The following ATF7IP2 variants were observed in gnomAD, a reference collection of about 807,000 sequenced individuals.
ATF7IP2 encodes activating transcription factor 7 interacting protein 2.
Under a neutral mutation model 64.2 loss-of-function variants are expected in ATF7IP2, and 42 were observed. The ratio of observed to expected loss-of-function variants is 0.65; its 90% CI spans 0.51 to 0.85. The LOEUF (loss-of-function observed/expected upper bound fraction) is 0.85. Among genes scored for constraint, ATF7IP2 ranks in the 40% least tolerant of loss-of-function variants. ATF7IP2 has a pLI of 0.00. For synonymous variants in ATF7IP2, 308 were observed against 272.8 expected (o/e 1.13, Z -1.27); for missense variants, 933 against 784.2 (o/e 1.19, Z -2.27).
At chr16:10,417,531 A>G (rs2047903715) in intron 2 of ATF7IP2, among the ~76,000 whole-genome samples, 1 of 152,230 alleles carries the variant, frequency 6.6e-6, no homozygotes. Context: ...AAGAGGATAT[A>G]ACAATCCTAA....
intron 8 of ATF7IP2, among the ~76,000 whole-genome samples, chr16:10,441,367 C>T (rs1223235539): frequency 6.6e-6 from 1 of 152,136 alleles, no homozygotes; most frequent in East Asian, 1.9e-4. Context: ...ACACTTTCAC[C>T]AACAGTATAA....
intron 8 of ATF7IP2, among the ~76,000 whole-genome samples, chr16:10,450,426 C>A (rs540228359): frequency 1.3e-5 from 2 of 152,140 alleles, no homozygotes; most frequent in African/African-American, 2.4e-5. Flanking sequence ...GTTAAAGTCT[C>A]CCACTATTAC....
At chr16:10,459,456 A>C (rs1192079292) in intron 9 of ATF7IP2, among the ~76,000 whole-genome samples, 1 of 149,460 alleles carries the variant, frequency 6.7e-6, no homozygotes, top group African/African-American at 2.5e-5. Flanking sequence ...CGACAGAGCG[A>C]GACTCCATCT....
chr16:10,464,180 T>G (rs2049474314), intron 9 of ATF7IP2, among the ~76,000 whole-genome samples: 1 of 152,240 alleles, frequency 6.6e-6, no homozygotes, highest in Non-Finnish European at 1.5e-5. Context: ...TTTTTCAAAT[T>G]GCTCAAGTGT....
intron 1 of ATF7IP2, among the ~76,000 whole-genome samples, chr16:10,412,860 A>AT (rs1228918989): frequency 6.6e-6 from 1 of 152,102 alleles, no homozygotes; most frequent in Non-Finnish European, 1.5e-5. Flanking sequence ...GTACTTATAT[A>AT]TTTAGGATTG....
chr16:10,431,005 G>C lies in ATF7IP2; in HGVS notation c.385G>C (p.Val129Leu). Residue 129 changes from valine (V) to leucine (L), a missense_variant, in exon 5 of 14, where the codon GTC becomes CTC. By Grantham distance (32) the Val-to-Leu change is conservative (BLOSUM62 1). Transcript: ENST00000562102. ...PSRTTESPSR[V>L]FTEEAKDSLN... ...TAGAACAACAGAATCCCCCAGCAGAGTCTTCACAGAAGAGGCAAAAGATTC... is the reference window on the plus strand; with the variant it reads ...TAGAACAACAGAATCCCCCAGCAGACTCTTCACAGAAGAGGCAAAAGATTC... 1 of 1,614,186 alleles carries C rather than the reference G, an allele frequency of 6.2e-7. No individual in the cohort carries two copies. Among genetic ancestry groups the C allele is most frequent in the Non-Finnish European group, 8.5e-7 (1 of 1,180,038 alleles).
At chr16:10,459,161 C>T (rs1363310205) in intron 9 of ATF7IP2, among the ~76,000 whole-genome samples, 3 of 151,396 alleles carry the variant, frequency 2.0e-5, no homozygotes, top group Admixed American at 6.6e-5. Context: ...TGGAGAAACC[C>T]TGTCTCTGCT....
At chr16:10,393,814 G>A (rs141106481) in intron 1 of ATF7IP2, among the ~76,000 whole-genome samples, 17 of 152,294 alleles carry the variant, frequency 1.1e-4, no homozygotes, top group Admixed American at 2.0e-4. Context: ...TTGGTAGGCC[G>A]AGGATCATTT....
chr16:10,472,995 T>C (rs2049862189), intron 10 of ATF7IP2, among the ~76,000 whole-genome samples: 2 of 152,228 alleles, frequency 1.3e-5, no homozygotes, highest in African/African-American at 2.4e-5. Flanking sequence ...TGTTAAAGTA[T>C]TTGCATCTTA....
intron 11 of ATF7IP2, 35 bp downstream of exon 11, chr16:10,473,569 T>C (rs1261431730): frequency 2.9e-6 from 4 of 1,395,310 alleles, no homozygotes; most frequent in Middle Eastern, 1.8e-4. Context: ...ATATTGTTTA[T>C]TTAAATATGT....
chr16:10,437,014 T>C (rs898369186), intron 6 of ATF7IP2, among the ~76,000 whole-genome samples: 12 of 151,420 alleles, frequency 7.9e-5, no homozygotes, highest in African/African-American at 2.7e-4. Context: ...TCCTTGGCTA[T>C]TTTTCCCATT....
At chr16:10,421,527 A>G (rs572190818) in intron 3 of ATF7IP2, among the ~76,000 whole-genome samples, 12 of 152,292 alleles carry the variant, frequency 7.9e-5, no homozygotes, top group South Asian at 4.1e-4. Flanking sequence ...AATGTTTTCA[A>G]TTGATCCCTA....
rs747451962 is a variant in ATF7IP2, at chr16:10,457,538, T to G, written c.1352+9T>G. ...AAGTCTGTTTCTGAAAGGTAGGTGT[T>G]TCTGCAAAAATGCATAAATTTATCT... On this transcript the variant is annotated intron_variant, in intron 9 of 13. Coordinates refer to ENST00000562102, the MANE Select transcript of ATF7IP2 (RefSeq NM_001393719.1). 1.3e-6 allele frequency: 2 copies of G among 1,540,784 alleles called. No homozygotes were observed. The highest frequency in any genetic ancestry group is 1.7e-6 in the Non-Finnish European group (2 of 1,148,628).
In ATF7IP2 at chr16:10,482,240, T is replaced by A; in HGVS notation, c.2040T>A (p.Asn680Lys). Residue 680 changes from asparagine (N) to lysine (K), a missense_variant, in exon 14 of 14, where the codon AAT becomes AAA. Transcript: ENST00000562102. Reference protein sequence around the residue: ...DIKSIPGFSENLT With the variant: ...DIKSIPGFSEKLT ...AATCTATCCCTGGGTTTTCTGAAAA[T>A]CTTACGTAAAAGGTGTTTAATAATG... 6.3e-7 allele frequency: 1 copy of A among 1,579,604 alleles called. No homozygotes were observed. The highest frequency in any genetic ancestry group is 8.6e-7 in the Non-Finnish European group (1 of 1,166,042).
Position 10,459,807 on chromosome 16 carries a change from T to C in ATF7IP2, c.1352+2278T>C, listed in dbSNP as rs540785674. Among the ~76,000 whole-genome samples, 18 of 152,228 alleles carry C rather than the reference T, an allele frequency of 1.2e-4. No homozygotes were observed. The South Asian group carries it at 3.3e-3, about 28-fold the overall frequency. Reference sequence around the variant, plus strand: ...GTAACTTCTTTAATCTGACAAAAATTATCTACAGAATCCCTAAGACAAATC... The same window carrying C: ...GTAACTTCTTTAATCTGACAAAAATCATCTACAGAATCCCTAAGACAAATC... On this transcript the variant is annotated intron_variant, in intron 9 of 13. Coordinates refer to ENST00000562102, the MANE Select transcript of ATF7IP2 (RefSeq NM_001393719.1).
intron 9 of ATF7IP2, among the ~76,000 whole-genome samples, chr16:10,462,197 T>C (rs1354577656): frequency 3.3e-5 from 5 of 152,132 alleles, no homozygotes; most frequent in South Asian, 2.1e-4. Context: ...CCCCATCTTA[T>C]GTGTTTTTGT....
intron 6 of ATF7IP2, 90 bp from the exon 7 acceptor site, chr16:10,438,011 C>G (rs981090023): frequency 1.0e-6 from 1 of 990,116 alleles, no homozygotes; most frequent in African/African-American, 1.7e-5. Context: ...TACAGTAAAT[C>G]TGGAAAAGAG....
intron 1 of ATF7IP2, among the ~76,000 whole-genome samples, chr16:10,412,010 G>GTTTTTTTTTTTTTTTTTTTTTTTTTTTT (rs71133351): frequency 1.7e-5 from 1 of 58,390 alleles, no homozygotes; most frequent in Non-Finnish European, 3.3e-5. Context: ...ATCTTTTTTT[G>GTTTTTTTTTTTTTTTTTTTTTTTTTTTT]TTTTTTTTTT....
intron 8 of ATF7IP2, among the ~76,000 whole-genome samples, chr16:10,455,980 TTCTTTTTTTATTTTTTGGAGTCAAAG>T (rs990932255): frequency 7.3e-6 from 1 of 136,726 alleles, no homozygotes; most frequent in Admixed American, 7.5e-5. Context: ...GAGATTTTAT[TTCTTTTTTTATTTTTTGGAGTCAAAG>T]TCTGGCTCTG....
Sources: allele counts gnomAD v4.1 joint callset (sites outside exome capture counted in the v4.1 genomes callset), GRCh38; gene constraint gnomAD v4.1.1; transcripts MANE v1.5; gene names NCBI Gene and HGNC (gene_info 2026-07-23, HGNC 2026-07-21).